The following MAOA variants were observed in gnomAD, a reference collection of about 807,000 sequenced individuals.
The protein encoded by MAOA is amine oxidase [flavin-containing] A.
MAOA carries 6 observed loss-of-function variants against 42.0 expected under a neutral mutation model. The observed-to-expected ratio is 0.14, with a 90% CI of 0.08 to 0.28. The LOEUF (loss-of-function observed/expected upper bound fraction) is 0.28, where lower values mean the gene tolerates loss of function less well. Ranked by LOEUF, MAOA falls within the 10% of genes least tolerant of loss-of-function variation. MAOA has a pLI of 1.00. For synonymous variants in MAOA, 140 were observed against 154.0 expected (o/e 0.91, Z 0.67); for missense variants, 262 against 422.3 (o/e 0.62, Z 3.33).
At chrX:43,719,309 G>A (rs988518063) in intron 5 of MAOA, among the ~76,000 whole-genome samples, 1 of 111,348 alleles carries the variant, frequency 9.0e-6, no homozygotes, top group African/African-American at 3.3e-5. Context: ...AGTAGTGGGG[G>A]TGGAGACAGG....
chrX:43,666,907 T>C (rs1417121027), intron 1 of MAOA, among the ~76,000 whole-genome samples: 2 of 107,559 alleles, frequency 1.9e-5, no homozygotes, highest in African/African-American at 6.9e-5. Context: ...TTAAGATCTC[T>C]GCTTTTGTTC....
intron 1 of MAOA, among the ~76,000 whole-genome samples, chrX:43,673,529 T>G (rs1232192499): frequency 9.1e-6 from 1 of 109,344 alleles, no homozygotes; most frequent in Non-Finnish European, 1.9e-5. Flanking sequence ...TTCTTTTAAT[T>G]GTGATGTTAG....
intron 3 of MAOA, among the ~76,000 whole-genome samples, chrX:43,708,943 C>T (rs1420183115): frequency 1.8e-5 from 2 of 110,757 alleles, no homozygotes; most frequent in Non-Finnish European, 3.8e-5. Context: ...TCACTGCAAC[C>T]TCTGCCTCCT....
chrX:43,681,830 T>C (rs1310364959), intron 1 of MAOA, among the ~76,000 whole-genome samples: 1 of 108,983 alleles, frequency 9.2e-6, no homozygotes, highest in Non-Finnish European at 1.9e-5. Context: ...CAAAAATGAA[T>C]GTGGATTTAA....
intron 3 of MAOA, among the ~76,000 whole-genome samples, chrX:43,709,751 T>C (rs1020411617): frequency 9.0e-6 from 1 of 111,716 alleles, no homozygotes. Flanking sequence ...CTATTTTTGT[T>C]TTCTATGTAA....
rs766952479 is a variant in MAOA at position 43,718,216 on chromosome X, T to C, written c.503+5420T>C. Among the ~76,000 whole-genome samples the C allele has an allele frequency of 1.6e-3, 171 of 105,193 alleles. 1 individual carries two copies. Among genetic ancestry groups the C allele is most frequent in the African/African-American group, 5.9e-3 (168 of 28,705 alleles). 91.3% of individuals were successfully genotyped at this position (105,193 alleles called of 115,157 possible). A position where few individuals can be genotyped will look rare whatever the true frequency, so the allele number is the denominator to read the frequency against. ...GGTGGATGGTATCTTCCAAGAATGA[T>C]TCACAGAGGCAGGGGGAGACAGGGT... is the stretch of plus-strand genomic sequence containing the variant. On this transcript the variant is annotated intron_variant, in intron 5 of 14. Transcript: ENST00000338702.
chrX:43,691,178 C>A (rs2033529692), intron 2 of MAOA, among the ~76,000 whole-genome samples: 1 of 110,342 alleles, frequency 9.1e-6, no homozygotes, highest in African/African-American at 3.3e-5. Context: ...AGCTTAGGAG[C>A]TTGAGATCAG....
At chrX:43,687,935 C>A (rs374749474) in intron 2 of MAOA, among the ~76,000 whole-genome samples, 2 of 112,922 alleles carry the variant, frequency 1.8e-5, no homozygotes, top group Non-Finnish European at 3.7e-5. Flanking sequence ...TATCTCTAGG[C>A]CAGATTACTA....
chrX:43,676,769 A>ATGTGTG (rs761762083), intron 1 of MAOA, among the ~76,000 whole-genome samples: 2 of 103,343 alleles, frequency 1.9e-5, no homozygotes, highest in African/African-American at 7.1e-5. Flanking sequence ...CATACAAAAA[A>ATGTGTG]TGTGTGTGTG....
At chrX:43,731,124 T>C (rs1434897757) in intron 6 of MAOA, 117 bp from the exon 7 acceptor site, 3 of 671,008 alleles carry the variant, frequency 4.5e-6, no homozygotes, top group Non-Finnish European at 7.2e-6. Flanking sequence ...CAGTTAAGTG[T>C]GCAGACGTTA....
chrX:43,719,691 A>G (rs777053717), intron 5 of MAOA, among the ~76,000 whole-genome samples: 2 of 111,030 alleles, frequency 1.8e-5, no homozygotes, highest in East Asian at 2.9e-4. Context: ...AAGCGGGGGA[A>G]TGATGGATGA....
chrX:43,692,000 GAC>G (rs753022851), intron 2 of MAOA, among the ~76,000 whole-genome samples: 139 of 64,999 alleles, frequency 2.1e-3, no homozygotes, highest in South Asian at 3.0e-3. Context: ...GCACTGTATA[GAC>G]ACACACACAC....
At chrX:43,696,938 C>T (rs1247312815) in intron 3 of MAOA, among the ~76,000 whole-genome samples, 2 of 111,376 alleles carry the variant, frequency 1.8e-5, no homozygotes, top group Non-Finnish European at 3.8e-5. Flanking sequence ...ACAAATGGCA[C>T]CTTTAAATCA....
rs181877929 is a variant in MAOA at position 43,741,932 on chromosome X, T to G, written c.1165-18T>G. The G allele has an allele frequency of 1.2e-4, 147 of 1,209,817 alleles. No individual in the cohort carries two copies. The African/African-American group carries it at 1.5e-3, about 13-fold the overall frequency. On this transcript the variant is annotated intron_variant, in intron 11 of 14. Coordinates refer to ENST00000338702, the MANE Select transcript of MAOA (RefSeq NM_000240.4). ...GCTTTGTTTTCTCTTTTGTATTTTC[T>G]TCCCCACTGAACTGCAGCCAGTGCA...
intron 1 of MAOA, among the ~76,000 whole-genome samples, chrX:43,673,231 G>C (rs1349969033): frequency 5.4e-5 from 6 of 111,586 alleles, no homozygotes; most frequent in Admixed American, 9.5e-5. Context: ...TTGCATAGAG[G>C]TGTTTGTAGT....
intron 5 of MAOA, among the ~76,000 whole-genome samples, chrX:43,727,826 A>C (rs1420581549): frequency 2.7e-5 from 3 of 111,750 alleles, no homozygotes; most frequent in African/African-American, 9.8e-5. Context: ...AGCTGCACCC[A>C]CTGTCCAACC....
At chrX:43,741,897 C>T in intron 11 of MAOA, 53 bp from the exon 12 acceptor site, 9 of 1,205,370 alleles carry the variant, frequency 7.5e-6, no homozygotes, top group Non-Finnish European at 1.0e-5. Context: ...TATTGACTCG[C>T]AGCATTTCAG....
At chrX:43,658,052 C>T (rs947897718) in intron 1 of MAOA, 3 of 420,753 alleles carry the variant, frequency 7.1e-6, no homozygotes, top group African/African-American at 2.7e-5. Flanking sequence ...TTGTTGAGTA[C>T]CTGCAATGAA....
At chrX:43,716,810 G>A (rs1333845586) in intron 5 of MAOA, among the ~76,000 whole-genome samples, 1 of 110,442 alleles carries the variant, frequency 9.1e-6, no homozygotes, top group East Asian at 2.9e-4. Context: ...GAGCCAGAGG[G>A]GGTAGTGAGG....
Sources: allele counts gnomAD v4.1 joint callset (sites outside exome capture counted in the v4.1 genomes callset), GRCh38; gene constraint gnomAD v4.1.1; transcripts MANE v1.5; gene names NCBI Gene and HGNC (gene_info 2026-07-23, HGNC 2026-07-21).